The following SHOX variants were observed in gnomAD, a reference collection of about 807,000 sequenced individuals.
The protein encoded by SHOX is SHOX homeobox, also known as short stature homeobox protein.
Under a neutral mutation model 29.6 loss-of-function variants are expected in SHOX, and 12 were observed. That is an observed-to-expected ratio of 0.41 (90% confidence interval 0.26 to 0.66). The LOEUF is 0.66. SHOX is among the 30% of genes least tolerant of loss of function. SHOX has a pLI of 0.35. For missense variants in SHOX, 499 were observed against 437.7 expected, an observed-to-expected ratio of 1.14 and a Z score of -1.25; for synonymous variants, 214 against 200.6, an observed-to-expected ratio of 1.07 and a Z score of -0.57.
At chrX:634,869 C>G (rs1341550422) in intron 2 of SHOX, 43 bp downstream of exon 2, 1 of 1,539,356 alleles carries the variant, frequency 6.5e-7, no homozygotes, top group Non-Finnish European at 8.8e-7. Flanking sequence ...GAGCCATCGC[C>G]TGGTCCTCGG....
intron 5 of SHOX, among the ~76,000 whole-genome samples, chrX:656,715 C>A (rs552455546): frequency 7.9e-5 from 12 of 151,614 alleles, no homozygotes; most frequent in African/African-American, 2.4e-4. Context: ...TGGTGGCGGG[C>A]GCCTGTAGTC....
chrX:655,733 A>T (rs2053138178), downstream of SHOX, among the ~76,000 whole-genome samples: 1 of 151,202 alleles, frequency 6.6e-6, no homozygotes, highest in South Asian at 2.1e-4. Flanking sequence ...CATGTATTGA[A>T]GATTTCCAAG....
At chrX:636,368 A>T (rs2052751524) in intron 2 of SHOX, among the ~76,000 whole-genome samples, 1 of 143,308 alleles carries the variant, frequency 7.0e-6, no homozygotes, top group Admixed American at 7.1e-5. Context: ...ATATATAAAT[A>T]TATACAAACA....
intron 1 of SHOX, among the ~76,000 whole-genome samples, chrX:633,019 A>G (rs2052677782): frequency 6.6e-6 from 1 of 152,108 alleles, no homozygotes; most frequent in South Asian, 2.1e-4. Context: ...GAAAATAAAG[A>G]CCAGGCCAAA....
chrX:637,175 G>C (rs949642037), intron 2 of SHOX, among the ~76,000 whole-genome samples: 2 of 151,866 alleles, frequency 1.3e-5, no homozygotes, highest in Non-Finnish European at 2.9e-5. Context: ...GCCTCAGTGA[G>C]GGAAGGAAGC....
downstream of SHOX, among the ~76,000 whole-genome samples, chrX:655,296 A>G (rs185097035): frequency 6.7e-3 from 1,011 of 151,234 alleles, 12 homozygotes; most frequent in African/African-American, 0.023. Flanking sequence ...TTTAGTAGAG[A>G]CGGGATTTCA....
chrX:656,346 GCAGAA>G (rs2053146382), downstream of SHOX, among the ~76,000 whole-genome samples: 1 of 152,092 alleles, frequency 6.6e-6, no homozygotes, highest in Non-Finnish European at 1.5e-5. Flanking sequence ...GGAGGCTGAG[GCAGAA>G]TCGTTTGAGC....
chrX:644,258 G>C, intron 4 of SHOX, 133 bp from the exon 5 acceptor site: 1 of 1,162,560 alleles, frequency 8.6e-7, no homozygotes, highest in South Asian at 1.8e-5. Context: ...GTGTGGGGTG[G>C]TCTCCACGGC....
rs1052440642 is a variant in SHOX at position 649,606 on chromosome X, C to T, written c.*4970C>T. On this transcript the variant is annotated 3_prime_UTR_variant, in exon 5 of 5. Coordinates refer to ENST00000686671, the MANE Select transcript of SHOX (RefSeq NM_000451.4). ...TTTCCCTGTGGCTTCCCGGTGAGCT[C>T]GCTCGCAGAGCAAGGAATACCACCC... 2.6e-5 allele frequency among the ~76,000 whole-genome samples: 4 copies of T among 152,232 alleles called. No homozygotes were observed. Among genetic ancestry groups the T allele is most frequent in the Admixed American group, 6.5e-5 (1 of 15,282 alleles).
chrX:625,425 T>C (rs1489036821), intron 1 of SHOX, among the ~76,000 whole-genome samples: 1 of 152,096 alleles, frequency 6.6e-6, no homozygotes, highest in East Asian at 1.9e-4. Context: ...GTGAAAAGTC[T>C]CTTCTCATCG....
chrX:637,246 C>A (rs2052775650), intron 2 of SHOX, among the ~76,000 whole-genome samples: 1 of 151,792 alleles, frequency 6.6e-6, no homozygotes, highest in African/African-American at 2.4e-5. Flanking sequence ...TTGGGCTGCC[C>A]CGTATAAATT....
chrX:627,342 G>T (rs2052556384), upstream of SHOX, among the ~76,000 whole-genome samples: 1 of 152,168 alleles, frequency 6.6e-6, no homozygotes, highest in Non-Finnish European at 1.5e-5. Context: ...GCACTCAAAC[G>T]CTGGGTGTTT....
In SHOX at chrX:634,670, C is replaced by A; in HGVS notation, c.330C>A (p.Asp110Glu). Residue 110 changes from aspartate (D) to glutamate (E), a missense_variant, in exon 2 of 5, where the codon GAC (aspartate) becomes GAA (glutamate). Transcript: ENST00000686671. ...KREDVKSEDEDGQTKLKQRRS... is the reference protein window; with the variant it reads ...KREDVKSEDEEGQTKLKQRRS... ...AGGACGTGAAGTCGGAGGACGAGGACGGGCAGACCAAGCTGAAACAGAGGC... is the reference window on the plus strand; with the variant it reads ...AGGACGTGAAGTCGGAGGACGAGGAAGGGCAGACCAAGCTGAAACAGAGGC... The A allele has an allele frequency of 6.2e-7, 1 of 1,613,910 alleles. No individual in the cohort carries two copies. Among genetic ancestry groups the A allele is most frequent in the Non-Finnish European group, 8.5e-7 (1 of 1,179,866 alleles).
chrX:635,085 A>G, intron 2 of SHOX, among the ~76,000 whole-genome samples: 1 of 152,130 alleles, frequency 6.6e-6, no homozygotes, highest in East Asian at 1.9e-4. Flanking sequence ...AAATAAATAT[A>G]TATGTTATAC....
At chrX:631,530 T>G (rs754758962) in intron 1 of SHOX, among the ~76,000 whole-genome samples, 214 of 150,990 alleles carry the variant, frequency 1.4e-3, no homozygotes, top group African/African-American at 4.5e-3. Flanking sequence ...CCTTTCCTTT[T>G]TTTGTTTGTT....
chrX:624,867 TTTCTTTCTTTCTTTC>T (rs1350559857), intron 1 of SHOX, among the ~76,000 whole-genome samples: 1 of 41,466 alleles, frequency 2.4e-5, no homozygotes, highest in African/African-American at 3.1e-4. Context: ...CTTTCTTTTC[TTTCTTTCTTTCTTTC>T]TTTCTTTCTT....
In SHOX at chrX:625,709, ATCTCTGTC is replaced by A. The variant is rs1036376782; in HGVS notation, c.-433+1113_-433+1120del. ...TCTCTCTTCCTCTGTCTCTCTTTCT[ATCTCTGTC>A]TCTCTCTCTCCTCTCTCTCTGTCTC... is the stretch of plus-strand genomic sequence containing the variant. On this transcript the variant is annotated intron_variant, in intron 1 of 5. Transcript: ENST00000334060. Among the ~76,000 whole-genome samples, 18 of 46,302 alleles carry A rather than the reference ATCTCTGTC, an allele frequency of 3.9e-4. 1 individual carries two copies. The highest frequency in any genetic ancestry group is 8.1e-4 in the African/African-American group (18 of 22,130). 30.4% of individuals were successfully genotyped at this position (46,302 alleles called of 152,430 possible). A position where few individuals can be genotyped will look rare whatever the true frequency, so the allele number is the denominator to read the frequency against.
chrX:656,842 C>CAAA (rs777955647), intron 5 of SHOX, among the ~76,000 whole-genome samples: 3 of 49,388 alleles, frequency 6.1e-5, no homozygotes, highest in Non-Finnish European at 1.3e-4. Flanking sequence ...GACTCCGTCT[C>CAAA]AAAAAAAAAA....
At chrX:654,228 G>T (rs755588594), downstream of SHOX, among the ~76,000 whole-genome samples, 175 of 152,038 alleles carry the variant, frequency 1.2e-3, no homozygotes, top group Non-Finnish European at 2.1e-3. Context: ...CTTGAGCCCA[G>T]GAGATTGAGA....
Sources: allele counts gnomAD v4.1 joint callset (sites outside exome capture counted in the v4.1 genomes callset), GRCh38; gene constraint gnomAD v4.1.1; transcripts MANE v1.5; gene names NCBI Gene and HGNC (gene_info 2026-07-23, HGNC 2026-07-21).